SH3KBP1: variants seen among roughly 807,000 people sequenced by gnomAD.
SH3KBP1 encodes SH3 domain containing kinase binding protein 1.
A neutral mutation model predicts 50.1 loss-of-function variants in SH3KBP1; 8 were observed. The observed-to-expected ratio is 0.16, with a 90% CI of 0.09 to 0.29. The LOEUF (loss-of-function observed/expected upper bound fraction) is 0.29. SH3KBP1 is among the 10% of genes least tolerant of loss of function. The pLI is 1.00. For missense variants in SH3KBP1, 377 were observed against 535.2 expected (o/e 0.70, Z 2.92); for synonymous variants, 227 against 218.6 (o/e 1.04, Z -0.34).
At chrX:19,554,054 T>TATTATATATATTAAAATAC (rs1164873669) in intron 13 of SH3KBP1, among the ~76,000 whole-genome samples, 1 of 63,705 alleles carries the variant, frequency 1.6e-5, no homozygotes, top group African/African-American at 8.5e-5. Flanking sequence ...TATTAAAATA[T>TATTATATATATTAAAATAC]ATTATATATA....
In SH3KBP1 at chrX:19,546,028, A is replaced by G. The variant is rs1392571016; in HGVS notation, c.1517T>C (p.Ile506Thr). 1 of 1,209,481 alleles carries G rather than the reference A, an allele frequency of 8.3e-7. No individual in the cohort carries two copies. The highest frequency in any genetic ancestry group is 1.8e-5 in the African/African-American group (1 of 57,122). ...CTCTTCGGGACTTGGGGAGTCGAAG[A>G]TATCAGGGCTTGAAAGGGATGACTG... ...LTSSSLSSPD[I>T]FDSPSPEEDK... Residue 506 changes from isoleucine to threonine, a missense_variant, in exon 15 of 18, where the codon ATC (isoleucine) becomes ACC (threonine). Physicochemically the swap from Ile to Thr is moderately conservative, Grantham distance 89 (BLOSUM62 -1). Coordinates refer to ENST00000397821, the MANE Select transcript of SH3KBP1 (RefSeq NM_031892.3).
intron 8 of SH3KBP1, among the ~76,000 whole-genome samples, chrX:19,611,956 G>GAAAAAAAAA (rs3036638): frequency 7.9e-4 from 30 of 37,960 alleles, no homozygotes; most frequent in Admixed American, 1.2e-3. Flanking sequence ...AGCAGAAGTA[G>GAAAAAAAAA]AAAAAAAAAA....
chrX:19,651,055 T>C (rs1192947672), intron 6 of SH3KBP1, among the ~76,000 whole-genome samples: 1 of 111,570 alleles, frequency 9.0e-6, no homozygotes, highest in South Asian at 3.8e-4. Context: ...TTTATATTTA[T>C]TTTTACATGT....
chrX:19,617,315 G>A (rs961842591), intron 8 of SH3KBP1, among the ~76,000 whole-genome samples: 2 of 112,389 alleles, frequency 1.8e-5, no homozygotes, highest in African/African-American at 6.5e-5. Flanking sequence ...TCTATGACAG[G>A]AAGGCAAGTC....
chrX:19,639,907 C>CTTTTT (rs377700054), intron 7 of SH3KBP1, among the ~76,000 whole-genome samples: 1 of 83,168 alleles, frequency 1.2e-5, no homozygotes, highest in Non-Finnish European at 2.4e-5. Flanking sequence ...AGAGTTGACT[C>CTTTTT]TTTTTTTTTT....
intron 15 of SH3KBP1, among the ~76,000 whole-genome samples, chrX:19,544,811 T>C (rs1017560602): frequency 6.3e-5 from 7 of 111,753 alleles, no homozygotes; most frequent in Admixed American, 4.8e-4. Flanking sequence ...GAGCACAACA[T>C]GACAACTCCG....
chrX:19,542,106 G>A lies in SH3KBP1; in HGVS notation c.1711C>T (p.Pro571Ser). 1 of 1,210,873 alleles carries A rather than the reference G, an allele frequency of 8.3e-7. No homozygotes were observed. The highest frequency in any genetic ancestry group is 1.7e-5 in the African/African-American group (1 of 57,826). ...CCCAAAGAGGATGACAGGGGGGAGG[G>A]CGCCGCTGAGGACAGAGGGGCTGGC... ...GGPAPLSSAA[P>S]SPLSSSLGTA... Residue 571 changes from proline to serine, a missense_variant, in exon 16 of 18, where the codon CCC (proline) becomes TCC (serine). Pro to Ser is a moderately conservative substitution (Grantham distance 74, BLOSUM62 -1). Transcript: ENST00000397821.
chrX:19,776,060 G>A (rs1184027144), intron 2 of SH3KBP1, among the ~76,000 whole-genome samples: 1 of 111,575 alleles, frequency 9.0e-6, no homozygotes, highest in Non-Finnish European at 1.9e-5. Flanking sequence ...AAGGACAACA[G>A]AGTGTGCCAA....
intron 2 of SH3KBP1, among the ~76,000 whole-genome samples, chrX:19,767,787 C>T (rs1205184977): frequency 9.0e-6 from 1 of 111,215 alleles, no homozygotes; most frequent in Non-Finnish European, 1.9e-5. Context: ...TCCTTGCAGA[C>T]ATGCTGGGAA....
intron 2 of SH3KBP1, among the ~76,000 whole-genome samples, chrX:19,823,498 C>T (rs2067589009): frequency 8.9e-6 from 1 of 112,049 alleles, no homozygotes; most frequent in Non-Finnish European, 1.9e-5. Context: ...TGCCCATTTC[C>T]TTCTTACATG....
intron 1 of SH3KBP1, among the ~76,000 whole-genome samples, chrX:19,872,395 C>A (rs1216809721): frequency 9.1e-6 from 1 of 110,433 alleles, no homozygotes; most frequent in Non-Finnish European, 1.9e-5. Flanking sequence ...GAACTCGAGA[C>A]CAGGATTAAT....
At chrX:19,883,816 C>T (rs1443025783) in intron 1 of SH3KBP1, among the ~76,000 whole-genome samples, 1 of 111,747 alleles carries the variant, frequency 8.9e-6, no homozygotes, top group African/African-American at 3.3e-5. Context: ...TGCTGCTTTA[C>T]CAACCATAGC....
chrX:19,855,696 A>T (rs1208344810), intron 1 of SH3KBP1, among the ~76,000 whole-genome samples: 2 of 111,448 alleles, frequency 1.8e-5, no homozygotes, highest in Non-Finnish European at 3.8e-5. Flanking sequence ...TGCTACACAT[A>T]CAAGAAATAC....
chrX:19,872,251 T>A (rs1393431314), intron 1 of SH3KBP1, among the ~76,000 whole-genome samples: 3 of 6,363 alleles, frequency 4.7e-4, no homozygotes, highest in Non-Finnish European at 5.8e-4. Context: ...AAACTTCATC[T>A]CAAAAAAAAA....
intron 12 of SH3KBP1, among the ~76,000 whole-genome samples, chrX:19,572,394 T>C (rs945591481): frequency 8.6e-5 from 8 of 93,400 alleles, no homozygotes; most frequent in African/African-American, 3.2e-4. Flanking sequence ...AGTACATACA[T>C]ATGTTATATA....
At chrX:19,882,797 C>T (rs147736368) in intron 1 of SH3KBP1, among the ~76,000 whole-genome samples, 18 of 111,571 alleles carry the variant, frequency 1.6e-4, no homozygotes, top group African/African-American at 5.5e-4. Flanking sequence ...CTGGGAAGTG[C>T]CTGTGTGATA....
chrX:19,657,897 G>C (rs1392629049), intron 6 of SH3KBP1, among the ~76,000 whole-genome samples: 4 of 107,056 alleles, frequency 3.7e-5, no homozygotes, highest in African/African-American at 1.4e-4. Flanking sequence ...AAAGTAGACT[G>C]GTGGTTGCCA....
At chrX:19,657,974 TCTGGAGATGGATG>T (rs1023239287) in intron 6 of SH3KBP1, among the ~76,000 whole-genome samples, 2 of 110,218 alleles carry the variant, frequency 1.8e-5, no homozygotes, top group Non-Finnish European at 3.8e-5. Context: ...TAAAAAAAGT[TCTGGAGATGGATG>T]GTGGTGATGG....
chrX:19,572,378 A>G (rs980829506), intron 12 of SH3KBP1, among the ~76,000 whole-genome samples: 5 of 101,785 alleles, frequency 4.9e-5, no homozygotes, highest in Non-Finnish European at 7.8e-5. Context: ...CATATATGTT[A>G]TATATAGTAC....
Sources: allele counts gnomAD v4.1 joint callset (sites outside exome capture counted in the v4.1 genomes callset), GRCh38; gene constraint gnomAD v4.1.1; transcripts MANE v1.5; gene names NCBI Gene and HGNC (gene_info 2026-07-23, HGNC 2026-07-21).